Variants in HERC1 observed in about 807,000 individuals in gnomAD.
HERC1 encodes the protein probable E3 ubiquitin-protein ligase HERC1.
Under a neutral mutation model 554.3 loss-of-function variants are expected in HERC1, and 160 were observed. That is an observed-to-expected ratio of 0.29 (90% CI 0.25 to 0.33). The LOEUF (loss-of-function observed/expected upper bound fraction) is 0.33. HERC1 is among the 10% of genes least tolerant of loss of function. The probability of loss-of-function intolerance (pLI) is 1.00; values close to 1 mark genes in which losing one functional copy is unlikely to be tolerated. For synonymous variants in HERC1, 2,175 were observed against 2,131.7 expected (o/e 1.02, Z -0.56); for missense variants, 4,919 against 5,918.5 (o/e 0.83, Z 5.54).
Position 63,723,350 on chromosome 15 carries a change from A to C in HERC1, c.3574T>G (p.Cys1192Gly). Residue 1192 changes from cysteine (C) to glycine (G), a missense_variant, in exon 19 of 78, where the codon TGT (cysteine) becomes GGT (glycine). Physicochemically the swap from Cys to Gly is radical, Grantham distance 159. Around this residue, in one of 11 missense-constraint regions of HERC1, gnomAD observed 1,121 missense variants for 1,244.0 expected, o/e 0.90. Transcript: ENST00000443617. ...GCTACTTCTAACAGGCAACTCATAC[A>C]TTTATCTAAAAAAAATACTCACGTT... Reference protein sequence around the residue: ...VEMDTPQLDKCMSCLLEVALS... With the variant: ...VEMDTPQLDKGMSCLLEVALS... The C allele has an allele frequency of 6.5e-7, 1 of 1,548,120 alleles. No individual in the cohort carries two copies. Among genetic ancestry groups the C allele is most frequent in the Non-Finnish European group, 8.7e-7 (1 of 1,144,014 alleles).
At position 63,612,302 on chromosome 15, in the gene HERC1, T is replaced by A; in HGVS notation, c.14349A>T (p.Pro4783=). 1 of 1,613,710 alleles carries A rather than the reference T, an allele frequency of 6.2e-7. No individual in the cohort carries two copies. The highest frequency in any genetic ancestry group is 8.5e-7 in the Non-Finnish European group (1 of 1,179,618). Residue 4783 remains proline, a synonymous_variant, in exon 77 of 78, where the codon CCA becomes CCT. Coordinates refer to ENST00000443617, the MANE Select transcript of HERC1 (RefSeq NM_003922.4). This position sits in a 1 kb window ranked among gnomAD's most constrained non-coding sequence, Gnocchi z 5.0. The part of the protein sequence containing the change: ...MRFVSGRSRL[P]ANTADISQRF... ...TCTGAGAAATGTCAGCAGTGTTGGC[T>A]GGTAGTCGAGATCTTCCTGACACAA...
intron 37 of HERC1, 74 bp from the exon 38 acceptor site, chr15:63,675,191 T>G: frequency 7.9e-7 from 1 of 1,264,344 alleles, no homozygotes; most frequent in Middle Eastern, 1.9e-4. Context: ...GAAAATAATG[T>G]AGACAAAATA....
At chr15:63,693,355 T>C (rs2072231396) in intron 30 of HERC1, among the ~76,000 whole-genome samples, 1 of 151,848 alleles carries the variant, frequency 6.6e-6, no homozygotes, top group African/African-American at 2.4e-5. Context: ...GTGATTCTTG[T>C]GCTTTAGCCT....
Position 63,713,519 on chromosome 15 carries a change from C to G in HERC1, c.4297G>C (p.Glu1433Gln), listed in dbSNP as rs1237814425. ...GCAGCAGTGTACACATCCTGACCCT[C>G]AGGAAGGTCTGTGCTGACCCTTCGC... ...QERRVSTDLP[E>Q]GQDVYTAACN... Residue 1433 changes from glutamate to glutamine, a missense_variant, in exon 23 of 78, where the codon GAG becomes CAG. Coordinates refer to ENST00000443617, the MANE Select transcript of HERC1 (RefSeq NM_003922.4). 6.2e-7 allele frequency: 1 copy of G among 1,614,014 alleles called. No individual in the cohort carries two copies. The highest frequency in any genetic ancestry group is 1.7e-5 in the Admixed American group (1 of 60,026).
At position 63,674,910 on chromosome 15, in the gene HERC1, C is replaced by T; in HGVS notation, c.7278G>A (p.Gly2426=). The change falls in exon 38 of 78, where the codon GGG becomes GGA. Residue 2426 remains glycine (G), a synonymous_variant. Coordinates refer to ENST00000443617, the MANE Select transcript of HERC1 (RefSeq NM_003922.4). The part of the protein sequence containing the change: ...KKHRHESEEK[G]DVEQKPESES... ...CACTCTCAGGTTTCTGCTCAACATC[C>T]CCTTTCTCCTCGGATTCATGTCGGT... 1 of 1,614,032 alleles carries T rather than the reference C, an allele frequency of 6.2e-7. No homozygotes were observed.
chr15:63,722,824 C>G (rs867977258), intron 19 of HERC1, among the ~76,000 whole-genome samples: 5 of 152,048 alleles, frequency 3.3e-5, no homozygotes, highest in Admixed American at 2.0e-4. Flanking sequence ...CAGGAAAAAA[C>G]GTAATGTATA....
chr15:63,667,810 G>A (rs2070716727), intron 40 of HERC1, among the ~76,000 whole-genome samples: 1 of 152,168 alleles, frequency 6.6e-6, no homozygotes, highest in Non-Finnish European at 1.5e-5. Context: ...TACTGCTCGG[G>A]TCCACTTACA....
At chr15:63,616,221 G>T (rs1377123173) in intron 75 of HERC1, among the ~76,000 whole-genome samples, 2 of 133,798 alleles carry the variant, frequency 1.5e-5, no homozygotes, top group Admixed American at 7.7e-5. Flanking sequence ...AAAATTAAGG[G>T]GGAAGGAGCA....
In HERC1 at chr15:63,674,526, A is replaced by G. The variant is rs1395736037; in HGVS notation, c.7662T>C (p.His2554=). Residue 2554 remains histidine (H), a synonymous_variant, in exon 38 of 78, where the codon CAT becomes CAC. Coordinates refer to ENST00000443617, the MANE Select transcript of HERC1 (RefSeq NM_003922.4). The part of the protein sequence containing the change: ...NSDCASSPVV[H]EDVEMRAALQ... ...GGGCTGCTCGCATCTCCACGTCTTC[A>G]TGAACAACTGGAGAACTTGCACAGT... 1 of 1,613,536 alleles carries G rather than the reference A, an allele frequency of 6.2e-7. No individual in the cohort carries two copies. The highest frequency in any genetic ancestry group is 1.7e-5 in the Admixed American group (1 of 59,934).
At position 63,616,706 on chromosome 15, in the gene HERC1, C is replaced by T. The variant is rs761451003; in HGVS notation, c.13689-24G>A. 3.0e-5 allele frequency: 48 copies of T among 1,605,470 alleles called. 1 individual carries two copies. The East Asian group carries it at 4.2e-4, about 14-fold the overall frequency. On this transcript the variant is annotated intron_variant, in intron 74 of 77. Coordinates refer to ENST00000443617, the MANE Select transcript of HERC1 (RefSeq NM_003922.4). ...ACCTGTAAAATTAAAGGGAATATTT[C>T]AAACAGCATTTTCCTTATTTCTATT...
chr15:63,760,738 T>C (rs923586473), intron 3 of HERC1, among the ~76,000 whole-genome samples: 1 of 151,926 alleles, frequency 6.6e-6, no homozygotes, highest in African/African-American at 2.4e-5. Context: ...CCCTAAAGAA[T>C]AGAACCCAAT....
At chr15:63,821,602 T>C (rs1191486745) in intron 1 of HERC1, among the ~76,000 whole-genome samples, 2 of 148,666 alleles carry the variant, frequency 1.3e-5, no homozygotes, top group African/African-American at 5.0e-5. Flanking sequence ...TGTGCACGCC[T>C]GCAGTCACAG....
chr15:63,652,450 T>C lies in HERC1; in HGVS notation c.10382A>G (p.Gln3461Arg). The change falls in exon 52 of 78, where the codon CAA becomes CGA. Residue 3461 changes from glutamine (Q) to arginine (R), a missense_variant. Coordinates refer to ENST00000443617, the MANE Select transcript of HERC1 (RefSeq NM_003922.4). ...CACACAGGTCTGTTGCAGTGAATAT[T>C]GCTTCTTGGTAACATTCCATACGCG... ...TIRVWNVTKKQYSLQQTCVFN... is the reference protein window; with the variant it reads ...TIRVWNVTKKRYSLQQTCVFN... The C allele has an allele frequency of 6.2e-7, 1 of 1,613,036 alleles. No individual in the cohort carries two copies. The highest frequency in any genetic ancestry group is 8.5e-7 in the Non-Finnish European group (1 of 1,179,334).
chr15:63,666,340 T>TAAA lies in HERC1; in HGVS notation c.8323+13_8323+15dup, dbSNP rs2070637524. On this transcript the variant is annotated intron_variant, in intron 41 of 77. Coordinates refer to ENST00000443617, the MANE Select transcript of HERC1 (RefSeq NM_003922.4). ...TCTCATATCTGTATACACTGATATATAAAAACTTATCCTACCTGTAGCTTC... is the reference window on the plus strand; with the variant it reads ...TCTCATATCTGTATACACTGATATATAAAAAAAACTTATCCTACCTGTAGCTTC... 3.2e-6 allele frequency: 5 copies of TAAA among 1,571,848 alleles called. No homozygotes were observed. In the African/African-American group the frequency reaches 5.4e-5, roughly 17 times the overall value.
intron 34 of HERC1, among the ~76,000 whole-genome samples, chr15:63,685,436 A>G (rs990761091): frequency 1.3e-5 from 2 of 152,258 alleles, no homozygotes; most frequent in African/African-American, 4.8e-5. Flanking sequence ...CTAAGGGATT[A>G]TATTTCTTGT....
At chr15:63,788,832 G>A (rs1023741041) in intron 1 of HERC1, among the ~76,000 whole-genome samples, 3 of 142,696 alleles carry the variant, frequency 2.1e-5, no homozygotes, top group East Asian at 2.1e-4. Flanking sequence ...AGGAGATCGC[G>A]CCATTGCACT....
chr15:63,755,361 CAT>C (rs936434806), intron 5 of HERC1, 36 bp from the exon 6 acceptor site: 11 of 1,413,298 alleles, frequency 7.8e-6, no homozygotes, highest in African/African-American at 1.4e-5. Flanking sequence ...TGAGTATGCA[CAT>C]GTTAAAACAT....
chr15:63,803,278 TAC>T (rs2077045500), intron 1 of HERC1, among the ~76,000 whole-genome samples: 1 of 152,062 alleles, frequency 6.6e-6, no homozygotes, highest in African/African-American at 2.4e-5. Flanking sequence ...GAAGTGGAGG[TAC>T]AGAGAGGCTA....
intron 25 of HERC1, among the ~76,000 whole-genome samples, chr15:63,704,732 T>C (rs1424821634): frequency 1.5e-5 from 2 of 135,332 alleles, no homozygotes; most frequent in East Asian, 1.9e-4. Context: ...AAATACTCTG[T>C]AATTTTTTTT....
Sources: allele counts gnomAD v4.1 joint callset (sites outside exome capture counted in the v4.1 genomes callset), GRCh38; gene constraint gnomAD v4.1.1; regional missense constraint gnomAD v4.1.1; non-coding constraint Gnocchi (gnomAD v3.1); transcripts MANE v1.5; gene names NCBI Gene and HGNC (gene_info 2026-07-23, HGNC 2026-07-21).